Variants in ACER3 observed in about 807,000 individuals in gnomAD.
The protein encoded by ACER3 is alkCDase 3.
A neutral mutation model predicts 48.9 loss-of-function variants in ACER3; 16 were observed. The ratio of observed to expected loss-of-function variants is 0.33; its 90% CI spans 0.22 to 0.50. The LOEUF (loss-of-function observed/expected upper bound fraction) is 0.50. ACER3 is among the 20% of genes least tolerant of loss of function. The pLI, the probability that ACER3 is intolerant of heterozygous loss-of-function variation, is 0.98. For missense variants in ACER3, 227 were observed against 326.0 expected (o/e 0.70, Z 2.34); for synonymous variants, 109 against 107.8 (o/e 1.01, Z -0.07).
rs909448749 is a variant in ACER3, at chr11:76,957,483, G to A, written c.215-1496G>A. ...TTTTGAGATGGAGTCTCACTCTGTC[G>A]CCGAGGCTGAAGTGCAGTGGCACAA... is the stretch of plus-strand genomic sequence containing the variant. On this transcript the variant is annotated intron_variant, in intron 2 of 10. Coordinates refer to ENST00000532485, the MANE Select transcript of ACER3 (RefSeq NM_018367.7). The A allele has an allele frequency of 8.2e-5, 37 of 449,654 alleles. 1 individual carries two copies. Among genetic ancestry groups the A allele is most frequent in the Admixed American group, 7.4e-4 (31 of 41,920 alleles). The allele number at this position is 449,654 out of a possible 1,614,324, so 27.9% of individuals were successfully genotyped here. A position where few individuals can be genotyped will look rare whatever the true frequency, so the allele number is the denominator to read the frequency against.
intron 1 of ACER3, among the ~76,000 whole-genome samples, chr11:76,884,737 T>C (rs1400287345): frequency 6.6e-6 from 1 of 152,154 alleles, no homozygotes; most frequent in Non-Finnish European, 1.5e-5. Context: ...GTCTTCCAGG[T>C]GAATTGGATT....
At chr11:76,881,731 A>G (rs548974600) in intron 1 of ACER3, among the ~76,000 whole-genome samples, 9 of 152,304 alleles carry the variant, frequency 5.9e-5, no homozygotes, top group African/African-American at 2.2e-4. Context: ...GAAAAAGGAA[A>G]CATACTGTCT....
intron 2 of ACER3, among the ~76,000 whole-genome samples, chr11:76,930,692 G>A (rs925456068): frequency 7.2e-5 from 11 of 151,962 alleles, no homozygotes; most frequent in South Asian, 2.1e-4. Context: ...TTCAAAGAAC[G>A]TCTGTATTTC....
intron 1 of ACER3, among the ~76,000 whole-genome samples, chr11:76,912,442 C>G (rs1035455802): frequency 2.0e-5 from 3 of 152,042 alleles, no homozygotes; most frequent in Admixed American, 2.0e-4. Context: ...TACAGATGTT[C>G]ATAATATTGC....
intron 1 of ACER3, among the ~76,000 whole-genome samples, chr11:76,880,110 TTTTA>T (rs1279268958): frequency 6.6e-6 from 1 of 152,220 alleles, no homozygotes; most frequent in Non-Finnish European, 1.5e-5. Context: ...GTTTATTCGA[TTTTA>T]TTATGTCAGA....
chr11:76,982,533 C>CT (rs201413027), intron 4 of ACER3, among the ~76,000 whole-genome samples: 6 of 151,574 alleles, frequency 4.0e-5, no homozygotes, highest in Non-Finnish European at 8.8e-5. Flanking sequence ...TATAAAATAG[C>CT]TTTTTTTCTT....
chr11:76,911,520 C>T (rs1210560221), intron 1 of ACER3, among the ~76,000 whole-genome samples: 2 of 152,100 alleles, frequency 1.3e-5, no homozygotes, highest in Admixed American at 6.5e-5. Flanking sequence ...TGTCTTGTTC[C>T]GTGATTATGA....
chr11:76,889,606 C>T (rs1253309439), intron 1 of ACER3, among the ~76,000 whole-genome samples: 1 of 152,072 alleles, frequency 6.6e-6, no homozygotes, highest in African/African-American at 2.4e-5. Context: ...CTTTGACTCC[C>T]TCTCTAATGG....
intron 1 of ACER3, among the ~76,000 whole-genome samples, chr11:76,878,879 C>T (rs1945453772): frequency 6.6e-6 from 1 of 151,980 alleles, no homozygotes; most frequent in South Asian, 2.1e-4. Context: ...GTAGTGGTAT[C>T]TCATTGTAAT....
chr11:76,957,415 C>T (rs1198231081), intron 2 of ACER3: 2 of 447,426 alleles, frequency 4.5e-6, no homozygotes, highest in Admixed American at 2.4e-5. Context: ...TACATATATA[C>T]ATGAAGTTTA....
At position 77,015,011 on chromosome 11, in the gene ACER3, C is replaced by T. The variant is rs782360953; in HGVS notation, c.498-5C>T. ...TATTTTGCTTTTCTGTTTTCCCCCC[C>T]ACAGGGTTTATCCATGGCTTAGAGG... On this transcript the variant is annotated splice_polypyrimidine_tract_variant and splice_region_variant and intron_variant, in intron 7 of 10. Coordinates refer to ENST00000532485, the MANE Select transcript of ACER3 (RefSeq NM_018367.7). 22 of 1,552,434 alleles carry T rather than the reference C, an allele frequency of 1.4e-5. No homozygotes were observed. The highest frequency in any genetic ancestry group is 2.2e-5 in the East Asian group (1 of 44,524).
At chr11:76,930,658 T>G (rs1946973526) in intron 2 of ACER3, among the ~76,000 whole-genome samples, 1 of 151,088 alleles carries the variant, frequency 6.6e-6, no homozygotes. Context: ...GATTCTGGTA[T>G]GTTGTGTCTT....
At chr11:76,994,135 T>C (rs1948862866) in intron 6 of ACER3, 5 of 387,502 alleles carry the variant, frequency 1.3e-5, no homozygotes, top group Admixed American at 5.4e-5. Context: ...GATTAAACTT[T>C]CTTTTTTTTT....
chr11:76,877,552 G>A (rs1237020781), intron 1 of ACER3, among the ~76,000 whole-genome samples: 1 of 151,842 alleles, frequency 6.6e-6, no homozygotes, highest in Non-Finnish European at 1.5e-5. Flanking sequence ...GCAGATATGA[G>A]GGCAATCTGT....
chr11:76,974,026 C>T (rs1948374898), intron 3 of ACER3, among the ~76,000 whole-genome samples: 1 of 152,206 alleles, frequency 6.6e-6, no homozygotes. Flanking sequence ...TGAAAATCAA[C>T]TGGTCATAAA....
At chr11:77,016,094 A>T (rs1405629788) in intron 8 of ACER3, among the ~76,000 whole-genome samples, 1 of 142,480 alleles carries the variant, frequency 7.0e-6, no homozygotes, top group Non-Finnish European at 1.5e-5. Context: ...GCGACAGAGC[A>T]AGACTCCGTC....
At chr11:76,941,790 G>C (rs1947348795) in intron 2 of ACER3, among the ~76,000 whole-genome samples, 1 of 151,950 alleles carries the variant, frequency 6.6e-6, no homozygotes, top group African/African-American at 2.4e-5. Context: ...ATGAGCATGG[G>C]ATGTTTTTCC....
chr11:76,889,066 T>C (rs595181), intron 1 of ACER3, among the ~76,000 whole-genome samples: 152,329 of 152,340 alleles, frequency 1, 76,159 homozygotes, highest in Non-Finnish European at 1. Context: ...CATCTAGCTA[T>C]TAAGTAGCCC....
chr11:76,909,994 A>G (rs1475480688), intron 1 of ACER3, among the ~76,000 whole-genome samples: 1 of 152,160 alleles, frequency 6.6e-6, no homozygotes, highest in Non-Finnish European at 1.5e-5. Context: ...GCTGGAAAGA[A>G]TCATTCTCAG....
Sources: allele counts gnomAD v4.1 joint callset (sites outside exome capture counted in the v4.1 genomes callset), GRCh38; gene constraint gnomAD v4.1.1; transcripts MANE v1.5; gene names NCBI Gene and HGNC (gene_info 2026-07-23, HGNC 2026-07-21).